CHLSN: variants seen among roughly 807,000 people sequenced by gnomAD.
The protein encoded by CHLSN is protein cholesin.
At chr7:1,097,155 GAC>G in the CHLSN span, among the ~76,000 whole-genome samples, 52 of 152,316 alleles carry the variant, frequency 3.4e-4, no homozygotes, top group South Asian at 0.01. The surrounding 1 kb of genome is among the most constrained non-coding windows in gnomAD (Gnocchi z 4.3). Context: ...AACACTCACA[GAC>G]ACACGCTCAC....
the CHLSN span, among the ~76,000 whole-genome samples, chr7:1,101,790 G>C: frequency 6.6e-6 from 1 of 152,260 alleles, no homozygotes; most frequent in African/African-American, 2.4e-5. Context: ...GGCCCAGGGA[G>C]ATGTCAGCTG....
chr7:1,097,238 G>T, the CHLSN span, among the ~76,000 whole-genome samples: 1 of 152,152 alleles, frequency 6.6e-6, no homozygotes, highest in Non-Finnish European at 1.5e-5. This position sits in a 1 kb window ranked among gnomAD's most constrained non-coding sequence, Gnocchi z 4.3. Context: ...CCTCCAGAAG[G>T]GCCCAGGACT....
chr7:1,039,009 G>A, the CHLSN span, among the ~76,000 whole-genome samples: 1 of 77,328 alleles, frequency 1.3e-5, no homozygotes, highest in Non-Finnish European at 2.8e-5. Flanking sequence ...GGAGGGAGGT[G>A]GGGGTGTCGG....
chr7:1,116,263 C>T, the CHLSN span, among the ~76,000 whole-genome samples: 10 of 140,764 alleles, frequency 7.1e-5, 1 homozygote, highest in East Asian at 9.0e-4. Context: ...CTCTACGGAC[C>T]GGCTTCCATC....
the CHLSN span, among the ~76,000 whole-genome samples, chr7:1,016,416 C>T: frequency 1.9e-5 from 1 of 51,692 alleles, no homozygotes; most frequent in Non-Finnish European, 3.4e-5. Context: ...CACACAGCAG[C>T]GCACGCCAGC....
chr7:1,136,024 A>G, the CHLSN span, among the ~76,000 whole-genome samples: 4 of 121,452 alleles, frequency 3.3e-5, no homozygotes, highest in Non-Finnish European at 4.7e-5. Flanking sequence ...ATATGTATAT[A>G]TAAATATATG....
At chr7:1,028,679 C>A in the CHLSN span, 1 of 486,178 alleles carries the variant, frequency 2.1e-6, no homozygotes, top group Middle Eastern at 1.1e-3. Flanking sequence ...CCCCCTACTT[C>A]CCTCATCTCC....
At chr7:1,004,541 G>A in the CHLSN span, among the ~76,000 whole-genome samples, 3 of 152,180 alleles carry the variant, frequency 2.0e-5, no homozygotes, top group East Asian at 5.8e-4. Context: ...GCCCCCACCA[G>A]GCAGACTTCA....
the CHLSN span, among the ~76,000 whole-genome samples, chr7:1,099,174 G>T: frequency 7.0e-6 from 1 of 142,954 alleles, no homozygotes; most frequent in East Asian, 2.0e-4. Flanking sequence ...TCCTGCAGCC[G>T]GCCTCCCCTT....
the CHLSN span, among the ~76,000 whole-genome samples, chr7:1,023,702 C>T: frequency 6.6e-6 from 1 of 151,156 alleles, no homozygotes; most frequent in African/African-American, 2.4e-5. The surrounding 1 kb of genome is among the most constrained non-coding windows in gnomAD (Gnocchi z 5.0). Flanking sequence ...AGACCCCAAT[C>T]CCTGGCAGCC....
the CHLSN span, among the ~76,000 whole-genome samples, chr7:1,016,792 G>GCAGCACACAGCAGCACACAC: frequency 1.5e-5 from 1 of 67,890 alleles, no homozygotes; most frequent in African/African-American, 9.4e-5. Context: ...ACAGCACACA[G>GCAGCACACAGCAGCACACAC]CAGCACACAG....
the CHLSN span, among the ~76,000 whole-genome samples, chr7:1,035,975 GT>G: frequency 6.6e-6 from 1 of 152,224 alleles, no homozygotes; most frequent in African/African-American, 2.4e-5. Flanking sequence ...ACGTGAGCAA[GT>G]TTAACAGCAT....
chr7:1,115,117 A>G, the CHLSN span, among the ~76,000 whole-genome samples: 5 of 152,264 alleles, frequency 3.3e-5, no homozygotes, highest in African/African-American at 4.8e-5. Flanking sequence ...CTACTTGCTT[A>G]AAAATTCTCA....
chr7:1,005,996 C>T, the CHLSN span, among the ~76,000 whole-genome samples: 9,366 of 152,284 alleles, frequency 0.062, 366 homozygotes, highest in Middle Eastern at 0.11. Flanking sequence ...GTGTTCTTTT[C>T]TTTTTTCAGT....
the CHLSN span, among the ~76,000 whole-genome samples, chr7:1,123,833 G>C: frequency 6.6e-6 from 1 of 151,880 alleles, no homozygotes; most frequent in Non-Finnish European, 1.5e-5. This position sits in a 1 kb window ranked among gnomAD's most constrained non-coding sequence, Gnocchi z 4.4. Context: ...CAGCTCCCTC[G>C]GAAGGAACGT....
At chr7:998,696 TCA>T in the CHLSN span, among the ~76,000 whole-genome samples, 2 of 152,298 alleles carry the variant, frequency 1.3e-5, no homozygotes, top group East Asian at 3.9e-4. Flanking sequence ...TCCACCCGCC[TCA>T]GACTCCCAAA....
the CHLSN span, among the ~76,000 whole-genome samples, chr7:1,013,470 G>T: frequency 6.6e-6 from 1 of 152,184 alleles, no homozygotes; most frequent in African/African-American, 2.4e-5. Flanking sequence ...GCAGCCAGGG[G>T]TGACTCCAGG....
At chr7:1,126,517 C>G in the CHLSN span, among the ~76,000 whole-genome samples, 3 of 151,572 alleles carry the variant, frequency 2.0e-5, no homozygotes, top group Admixed American at 1.3e-4. Flanking sequence ...CGGTCTCTAT[C>G]AAATATACAA....
chr7:987,599 CT>C, the CHLSN span: 1 of 1,383,590 alleles, frequency 7.2e-7, no homozygotes, highest in Non-Finnish European at 9.6e-7. Flanking sequence ...TCCAGGGGCA[CT>C]GGGACGGCTG....
Sources: gnomAD v4.1 joint callset for allele counts (sites outside exome capture counted in the v4.1 genomes callset) on GRCh38, gnomAD v4.1.1 for gene constraint, Gnocchi (gnomAD v3.1) non-coding constraint, MANE v1.5 for transcripts, NCBI Gene and HGNC (gene_info 2026-07-23, HGNC 2026-07-21) for gene names.